Variants in GLRA2 observed in about 807,000 individuals in gnomAD.
The protein encoded by GLRA2 is glycine receptor alpha 2, also known as glycine receptor subunit alpha-2.
In GLRA2, 11 loss-of-function variants were observed where a neutral mutation model predicts 31.6. The observed-to-expected ratio is 0.35, with a 90% confidence interval of 0.22 to 0.58. The LOEUF is 0.58. Ranked by LOEUF, GLRA2 falls within the 20% of genes least tolerant of loss-of-function variation. GLRA2 has a pLI of 0.84. For missense variants in GLRA2, 212 were observed against 351.8 expected (o/e 0.60, Z 3.18); for synonymous variants, 132 against 134.0 (o/e 0.99, Z 0.10).
chrX:14,702,026 T>C (rs998825839), intron 8 of GLRA2, among the ~76,000 whole-genome samples: 15 of 112,145 alleles, frequency 1.3e-4, no homozygotes, highest in Non-Finnish European at 2.6e-4. Context: ...GCCAGGGAGT[T>C]GAGCCTTTGT....
At chrX:14,628,485 A>T (rs144798616) in intron 7 of GLRA2, among the ~76,000 whole-genome samples, 3,038 of 111,689 alleles carry the variant, frequency 0.027, 63 homozygotes, top group African/African-American at 0.075. Context: ...GAGAGCTCAC[A>T]TCCCACTGTA....
At chrX:14,705,581 G>A (rs2091609569) in intron 8 of GLRA2, among the ~76,000 whole-genome samples, 1 of 112,270 alleles carries the variant, frequency 8.9e-6, no homozygotes, top group Non-Finnish European at 1.9e-5. Flanking sequence ...ATGAGTGCAA[G>A]CTGCTTATGA....
chrX:14,477,952 C>T, the GLRA2 span, among the ~76,000 whole-genome samples: 7 of 110,567 alleles, frequency 6.3e-5, no homozygotes, highest in African/African-American at 2.3e-4. Flanking sequence ...GAGGAACTTC[C>T]TTGAAAATTT....
chrX:14,561,602 G>C (rs746106843), intron 2 of GLRA2, among the ~76,000 whole-genome samples: 3 of 112,705 alleles, frequency 2.7e-5, no homozygotes, highest in Non-Finnish European at 3.8e-5. Flanking sequence ...AGGGCACTGA[G>C]TTTTTAAGAC....
intron 4 of GLRA2, among the ~76,000 whole-genome samples, chrX:14,588,783 G>A (rs1366467356): frequency 9.0e-6 from 1 of 111,335 alleles, no homozygotes; most frequent in Non-Finnish European, 1.9e-5. Flanking sequence ...TTCTTGTAGA[G>A]ATCTTTCTCC....
chrX:14,713,349 T>C (rs2091740061), intron 8 of GLRA2, among the ~76,000 whole-genome samples: 1 of 112,152 alleles, frequency 8.9e-6, no homozygotes, highest in African/African-American at 3.2e-5. Flanking sequence ...TCATGCTTCT[T>C]AGAATTTTGT....
chrX:14,457,114 T>C, the GLRA2 span, among the ~76,000 whole-genome samples: 1 of 112,372 alleles, frequency 8.9e-6, no homozygotes, highest in Non-Finnish European at 1.9e-5. Context: ...TGATTAGTGA[T>C]GTTGAGCTTT....
intron 8 of GLRA2, among the ~76,000 whole-genome samples, chrX:14,720,805 G>C: frequency 9.0e-6 from 1 of 111,599 alleles, no homozygotes; most frequent in East Asian, 2.8e-4. Context: ...TATCTTTGTT[G>C]TTTTCAGTCC....
intron 8 of GLRA2, among the ~76,000 whole-genome samples, chrX:14,691,573 C>T (rs1197057360): frequency 2.7e-5 from 3 of 111,189 alleles, no homozygotes; most frequent in African/African-American, 9.8e-5. Flanking sequence ...ACATTAGAAT[C>T]GCCTGGGGAT....
At chrX:14,550,033 G>A (rs1031359412) in intron 2 of GLRA2, among the ~76,000 whole-genome samples, 3 of 110,837 alleles carry the variant, frequency 2.7e-5, no homozygotes, top group African/African-American at 3.3e-5. Context: ...GGAATGTTGA[G>A]TAGAAAGAAC....
chrX:14,689,426 C>A (rs2091319068), intron 7 of GLRA2, among the ~76,000 whole-genome samples: 1 of 112,249 alleles, frequency 8.9e-6, no homozygotes, highest in African/African-American at 3.2e-5. Context: ...GGGAAATGCT[C>A]AGTATAAAGG....
At chrX:14,474,434 C>A in the GLRA2 span, among the ~76,000 whole-genome samples, 1 of 111,707 alleles carries the variant, frequency 9.0e-6, no homozygotes, top group Non-Finnish European at 1.9e-5. Flanking sequence ...AACTCACTGA[C>A]TGTATCTTAT....
At chrX:14,476,279 TACTGCCTTTCAGCTACATTTGCTTCA>T in the GLRA2 span, among the ~76,000 whole-genome samples, 1 of 112,247 alleles carries the variant, frequency 8.9e-6, no homozygotes, top group Non-Finnish European at 1.9e-5. Context: ...ATTGTTTTAT[TACTGCCTTTCAGCTACATTTGCTTCA>T]GCTGGCTTTC....
At chrX:14,464,549 T>A in the GLRA2 span, among the ~76,000 whole-genome samples, 9 of 110,198 alleles carry the variant, frequency 8.2e-5, no homozygotes, top group Non-Finnish European at 1.1e-4. Context: ...TGTATCTATT[T>A]TTTATTTATT....
At chrX:14,622,014 C>A (rs2090526036) in intron 7 of GLRA2, among the ~76,000 whole-genome samples, 1 of 112,143 alleles carries the variant, frequency 8.9e-6, no homozygotes, top group African/African-American at 3.2e-5. Flanking sequence ...CACATTCTCT[C>A]CAGCACCTGT....
chrX:14,662,306 G>A (rs2090999154), intron 7 of GLRA2, among the ~76,000 whole-genome samples: 1 of 111,583 alleles, frequency 9.0e-6, no homozygotes, highest in Non-Finnish European at 1.9e-5. Context: ...AAAAATTCAT[G>A]ATCAACAAGG....
At chrX:14,647,658 T>C (rs966054408) in intron 7 of GLRA2, among the ~76,000 whole-genome samples, 2 of 112,117 alleles carry the variant, frequency 1.8e-5, no homozygotes, top group African/African-American at 6.5e-5. Context: ...TAAAGATGGA[T>C]GGATATTTGT....
chrX:14,669,678 G>A (rs920459806), intron 7 of GLRA2, among the ~76,000 whole-genome samples: 6 of 111,917 alleles, frequency 5.4e-5, no homozygotes, highest in African/African-American at 1.6e-4. Context: ...GCCACAGCTG[G>A]AATGGCTGGG....
At chrX:14,532,997 T>C (rs950642698) in intron 2 of GLRA2, among the ~76,000 whole-genome samples, 6 of 111,756 alleles carry the variant, frequency 5.4e-5, no homozygotes, top group African/African-American at 1.9e-4. Flanking sequence ...CAAACCAATA[T>C]TTTTTGTTTT....
Sources: allele counts gnomAD v4.1 joint callset (sites outside exome capture counted in the v4.1 genomes callset), GRCh38; gene constraint gnomAD v4.1.1; transcripts MANE v1.5; gene names NCBI Gene and HGNC (gene_info 2026-07-23, HGNC 2026-07-21).